ZNF454: variants seen among roughly 807,000 people sequenced by gnomAD.
ZNF454 encodes zinc finger protein 454.
Under a neutral mutation model 48.2 loss-of-function variants are expected in ZNF454, and 30 were observed. That is an observed-to-expected ratio of 0.62 (90% confidence interval 0.47 to 0.84). The LOEUF is 0.84. Ranked by LOEUF, ZNF454 falls within the 40% of genes least tolerant of loss-of-function variation. The pLI, the probability that ZNF454 is intolerant of heterozygous loss-of-function variation, is 0.00. For synonymous variants in ZNF454, 204 were observed against 211.4 expected, an observed-to-expected ratio of 0.97 and a Z score of 0.30; for missense variants, 510 against 623.1, an observed-to-expected ratio of 0.82 and a Z score of 1.93.
Position 178,966,115 on chromosome 5 carries a change from A to G in ZNF454, c.*142A>G. ...ACTGAGGGTCAGGTTTCACAGTGTC[A>G]TGGGGTTTGGGCATTTAAGAATGGC... is the stretch of plus-strand genomic sequence containing the variant. On this transcript the variant is annotated 3_prime_UTR_variant, in exon 5 of 5. Coordinates refer to ENST00000519564, the MANE Select transcript of ZNF454 (RefSeq NM_001178089.3). 1.3e-6 allele frequency: 1 copy of G among 787,742 alleles called. No homozygotes were observed. Among genetic ancestry groups the G allele is most frequent in the Non-Finnish European group, 2.0e-6 (1 of 507,836 alleles). The allele number at this position is 787,742 out of a possible 1,614,324, so 48.8% of individuals were successfully genotyped here.
chr5:178,981,947 TG>T, the ZNF454 span: 1 of 886,356 alleles, frequency 1.1e-6, no homozygotes, highest in Non-Finnish European at 1.9e-6. The surrounding 1 kb of genome is among the most constrained non-coding windows in gnomAD (Gnocchi z 5.1). Context: ...GAGCTGAGTC[TG>T]TTTCAGTTGG....
Position 178,946,494 on chromosome 5 carries a change from G to A in ZNF454, c.160+9G>A. ...CAACCTGGTCTCACTGGGTAAGTGG[G>A]ACCCCTGCAAGGTTTCTCTTCACTT... On this transcript the variant is annotated intron_variant, in intron 3 of 4. Coordinates refer to ENST00000519564, the MANE Select transcript of ZNF454 (RefSeq NM_001178089.3). The surrounding 1 kb of genome is among the most constrained non-coding windows in gnomAD (Gnocchi z 4.5). The A allele has an allele frequency of 2.5e-6, 4 of 1,587,474 alleles. No homozygotes were observed. Among genetic ancestry groups the A allele is most frequent in the Non-Finnish European group, 3.4e-6 (4 of 1,171,148 alleles).
chr5:178,975,718 A>T, the ZNF454 span: 1 of 425,780 alleles, frequency 2.3e-6, no homozygotes, highest in Non-Finnish European at 4.9e-6. Flanking sequence ...GGTTAGCTTG[A>T]TGTGTCACCT....
the ZNF454 span, among the ~76,000 whole-genome samples, chr5:178,988,202 T>A: frequency 6.6e-6 from 1 of 152,074 alleles, no homozygotes; most frequent in Non-Finnish European, 1.5e-5. This position sits in a 1 kb window ranked among gnomAD's most constrained non-coding sequence, Gnocchi z 6.0. Context: ...CGGAGAGAGG[T>A]CTGAGTGACA....
chr5:178,952,196 C>T (rs1479413748), intron 4 of ZNF454, among the ~76,000 whole-genome samples: 2 of 152,104 alleles, frequency 1.3e-5, no homozygotes, highest in Admixed American at 1.3e-4. Context: ...CGCCACTGCT[C>T]CCGGCTAATT....
At chr5:178,945,082 TG>T (rs757839402) in intron 2 of ZNF454, among the ~76,000 whole-genome samples, 60 of 91,704 alleles carry the variant, frequency 6.5e-4, no homozygotes, top group African/African-American at 2.2e-3. Flanking sequence ...GGGGTATTTG[TG>T]GGGGGGTGTG....
At chr5:178,945,621 G>A (rs1561694539) in intron 2 of ZNF454, among the ~76,000 whole-genome samples, 3 of 146,136 alleles carry the variant, frequency 2.1e-5, no homozygotes, top group African/African-American at 7.6e-5. Flanking sequence ...TGTGGATATG[G>A]GTGTGTGTTT....
At chr5:178,968,830 G>A (rs760922066), downstream of ZNF454, 6 of 456,578 alleles carry the variant, frequency 1.3e-5, no homozygotes, top group Admixed American at 4.7e-5. Context: ...TGTGCCTACC[G>A]TTGAGCCAGG....
rs1441507619 is a variant in ZNF454 at position 178,946,011 on chromosome 5, C to A, written c.34-348C>A. 1.3e-5 allele frequency among the ~76,000 whole-genome samples: 2 copies of A among 152,028 alleles called. No homozygotes were observed. Among genetic ancestry groups the A allele is most frequent in the African/African-American group, 4.8e-5 (2 of 41,374 alleles). On this transcript the variant is annotated intron_variant, in intron 2 of 4. Coordinates refer to ENST00000519564, the MANE Select transcript of ZNF454 (RefSeq NM_001178089.3). The surrounding 1 kb of genome is among the most constrained non-coding windows in gnomAD (Gnocchi z 4.5). The stretch of plus-strand genomic sequence containing the variant: ...TGAGTGAGCCGTGTCTATGCTGAGA[C>A]CTGCGTAGGATTTGGTCCCCTGGGG...
intron 4 of ZNF454, among the ~76,000 whole-genome samples, chr5:178,954,122 G>A (rs1009525886): frequency 9.9e-5 from 15 of 152,050 alleles, no homozygotes; most frequent in African/African-American, 3.1e-4. Context: ...GCCGGGTGTG[G>A]TGGTGGGAGC....
chr5:178,989,726 C>G, the ZNF454 span: 1 of 438,916 alleles, frequency 2.3e-6, no homozygotes, highest in South Asian at 2.1e-5. Flanking sequence ...ACTTTTATCC[C>G]TGCTCCTTCT....
the ZNF454 span, chr5:178,983,024 G>T: frequency 6.2e-7 from 1 of 1,614,054 alleles, no homozygotes; most frequent in African/African-American, 1.3e-5. Flanking sequence ...TCTCGGGCAC[G>T]CCACGGGCCT....
At chr5:178,945,312 CTG>C (rs760591794) in intron 2 of ZNF454, among the ~76,000 whole-genome samples, 1 of 147,286 alleles carries the variant, frequency 6.8e-6, no homozygotes, top group South Asian at 2.2e-4. Context: ...ACGTGTCTGT[CTG>C]TGTATGTTTG....
At chr5:178,958,451 G>A (rs1048094128) in intron 4 of ZNF454, among the ~76,000 whole-genome samples, 2 of 152,094 alleles carry the variant, frequency 1.3e-5, no homozygotes, top group Non-Finnish European at 1.5e-5. Context: ...GCTATATAAT[G>A]TTTCGCCATA....
intron 4 of ZNF454, among the ~76,000 whole-genome samples, chr5:178,953,098 G>A (rs1263855210): frequency 6.6e-6 from 1 of 151,570 alleles, no homozygotes; most frequent in Non-Finnish European, 1.5e-5. Context: ...TTCTGCAAGT[G>A]ACATGTTTGT....
the ZNF454 span, among the ~76,000 whole-genome samples, chr5:178,984,763 C>T: frequency 1.1e-3 from 167 of 152,166 alleles, no homozygotes; most frequent in African/African-American, 2.2e-3. Flanking sequence ...CTGCATGACC[C>T]GAGGCACGTG....
At chr5:178,988,042 G>A in the ZNF454 span, among the ~76,000 whole-genome samples, 1 of 152,152 alleles carries the variant, frequency 6.6e-6, no homozygotes, top group Non-Finnish European at 1.5e-5. The surrounding 1 kb of genome is among the most constrained non-coding windows in gnomAD (Gnocchi z 6.0). Flanking sequence ...TTACAGGAGT[G>A]AGCCATTGCG....
At chr5:178,986,085 A>C in the ZNF454 span, 2 of 1,575,526 alleles carry the variant, frequency 1.3e-6, no homozygotes, top group Admixed American at 1.8e-5. Flanking sequence ...AACGTTGCGG[A>C]CAGTCCCCCT....
chr5:178,973,790 C>T, the ZNF454 span, among the ~76,000 whole-genome samples: 6,836 of 149,430 alleles, frequency 0.046, 328 homozygotes, highest in East Asian at 0.23. Context: ...TTGCAGTGAG[C>T]CGAGATCGCG....
Sources: allele counts gnomAD v4.1 joint callset (sites outside exome capture counted in the v4.1 genomes callset), GRCh38; gene constraint gnomAD v4.1.1; non-coding constraint Gnocchi (gnomAD v3.1); transcripts MANE v1.5; gene names NCBI Gene and HGNC (gene_info 2026-07-23, HGNC 2026-07-21).